DNAJC10: variants seen among roughly 807,000 people sequenced by gnomAD.
DNAJC10 encodes the protein endoplasmic reticulum disulfide reductase DNAJC10.
A neutral mutation model predicts 115.0 loss-of-function variants in DNAJC10; 101 were observed. That is an observed-to-expected ratio of 0.88 (90% CI 0.75 to 1.04). The LOEUF (loss-of-function observed/expected upper bound fraction) is 1.04, where lower values mean the gene tolerates loss of function less well. DNAJC10 is among the 50% of genes least tolerant of loss of function. DNAJC10 has a pLI of 0.00. For synonymous variants in DNAJC10, 307 were observed against 301.5 expected (o/e 1.02, Z -0.19); for missense variants, 981 against 928.8 (o/e 1.06, Z -0.73).
chr2:182,729,843 A>G lies in DNAJC10; in HGVS notation c.634-5A>G, dbSNP rs768769076. 29 of 1,571,322 alleles carry G rather than the reference A, an allele frequency of 1.8e-5. No homozygotes were observed. The Admixed American group carries it at 3.4e-4, about 18-fold the overall frequency. On this transcript the variant is annotated splice_polypyrimidine_tract_variant and splice_region_variant and intron_variant, in intron 7 of 23. Coordinates refer to ENST00000264065, the MANE Select transcript of DNAJC10 (RefSeq NM_018981.4). ...AGATGTTTCTCTTCTTACAAAAACCAATAGGCCCCAGTGAAATATCATGGA... is the reference window on the plus strand; with the variant it reads ...AGATGTTTCTCTTCTTACAAAAACCGATAGGCCCCAGTGAAATATCATGGA...
chr2:182,732,981 TC>T (rs1304762920), intron 10 of DNAJC10, among the ~76,000 whole-genome samples: 1 of 152,028 alleles, frequency 6.6e-6, no homozygotes, highest in Non-Finnish European at 1.5e-5. Flanking sequence ...ACACAAATTG[TC>T]AGTTTTGAAA....
In DNAJC10 at chr2:182,733,966, TCTTA is replaced by T. The variant is rs532791396; in HGVS notation, c.849+1428_849+1431del. ...CTGTAGTATCTATAGTGATGTTCTT[TCTTA>T]CTTTCTGATCATATTTTGTGTGTGT... On this transcript the variant is annotated intron_variant, in intron 10 of 23. Coordinates refer to ENST00000264065, the MANE Select transcript of DNAJC10 (RefSeq NM_018981.4). Among the ~76,000 whole-genome samples the T allele has an allele frequency of 3.3e-3, 503 of 151,610 alleles. 1 individual carries two copies. Among genetic ancestry groups the T allele is most frequent in the African/African-American group, 0.011 (465 of 41,524 alleles).
At chr2:182,758,937 A>C (rs1285794560) in intron 20 of DNAJC10, 47 bp downstream of exon 20, 2 of 1,379,454 alleles carry the variant, frequency 1.4e-6, no homozygotes, top group Non-Finnish European at 1.0e-6. Flanking sequence ...ATTCAAAGCC[A>C]TTTACCCCCC....
At chr2:182,773,499 C>G (rs903250843) in intron 22 of DNAJC10, among the ~76,000 whole-genome samples, 12 of 152,144 alleles carry the variant, frequency 7.9e-5, no homozygotes, top group Non-Finnish European at 1.5e-4. Flanking sequence ...CACAGAGTCC[C>G]ATATTTCTTG....
At chr2:182,769,411 A>T (rs914044807) in intron 22 of DNAJC10, among the ~76,000 whole-genome samples, 1 of 152,192 alleles carries the variant, frequency 6.6e-6, no homozygotes, top group African/African-American at 2.4e-5. Context: ...ACTGTCTTAC[A>T]CAATGGTTGA....
chr2:182,768,301 G>A (rs1240132528), intron 22 of DNAJC10, among the ~76,000 whole-genome samples: 1 of 152,118 alleles, frequency 6.6e-6, no homozygotes, highest in Non-Finnish European at 1.5e-5. Flanking sequence ...TGAGAGATGG[G>A]TGACATAAAT....
At chr2:182,748,920 A>G (rs1429905195) in intron 14 of DNAJC10, among the ~76,000 whole-genome samples, 1 of 151,788 alleles carries the variant, frequency 6.6e-6, no homozygotes, top group Admixed American at 6.6e-5. Flanking sequence ...TGTACCCAGT[A>G]GTCATTCAGG....
rs753178102 is a variant in DNAJC10 at position 182,756,309 on chromosome 2, T to C, written c.1654-5T>C. 8.7e-6 allele frequency: 14 copies of C among 1,609,490 alleles called. No homozygotes were observed. The highest frequency in any genetic ancestry group is 1.2e-5 in the Non-Finnish European group (14 of 1,177,872). On this transcript the variant is annotated splice_polypyrimidine_tract_variant and splice_region_variant and intron_variant, in intron 17 of 23. Transcript: ENST00000264065. ...ATGTTATAATGGAAGCTATATTCTC[T>C]TCAGGATCTTATGAATCCTTCAGTG...
chr2:182,760,679 C>A (rs559549996), intron 21 of DNAJC10, among the ~76,000 whole-genome samples: 1 of 152,072 alleles, frequency 6.6e-6, no homozygotes, highest in African/African-American at 2.4e-5. Context: ...CTCCATAACT[C>A]GAGGAACTCT....
intron 9 of DNAJC10, among the ~76,000 whole-genome samples, chr2:182,732,211 A>G (rs1302415612): frequency 6.6e-6 from 1 of 152,014 alleles, no homozygotes; most frequent in Non-Finnish European, 1.5e-5. Context: ...AGGAGGAGAG[A>G]TTGAGAGTAT....
rs1323084335 is a variant in DNAJC10 at position 182,780,715 on chromosome 2, G to A, written c.*3583G>A. The A allele has an allele frequency of 6.6e-6, 1 of 152,108 alleles. No individual in the cohort carries two copies. Among genetic ancestry groups the A allele is most frequent in the South Asian group, 2.1e-4 (1 of 4,822 alleles). The allele number at this position is 152,108 out of a possible 1,614,324, so 9.4% of individuals were successfully genotyped here. A position where few individuals can be genotyped will look rare whatever the true frequency, so the allele number is the denominator to read the frequency against. On this transcript the variant is annotated 3_prime_UTR_variant, in exon 24 of 24. Transcript: ENST00000264065. ...ACACTGAATTTACACTTAGATTCTT[G>A]TACTGTCACTGAGTCCCCTTGTAAA...
In DNAJC10 at chr2:182,762,745, A is replaced by G. The variant is rs770972821; in HGVS notation, c.2209A>G (p.Lys737Glu). 6.2e-7 allele frequency: 1 copy of G among 1,612,804 alleles called. No individual in the cohort carries two copies. Among genetic ancestry groups the G allele is most frequent in the Non-Finnish European group, 8.5e-7 (1 of 1,179,038 alleles). Residue 737 changes from lysine to glutamate, a missense_variant, in exon 22 of 24, where the codon AAA becomes GAA. By Grantham distance (56) the Lys-to-Glu change is moderately conservative. Coordinates refer to ENST00000264065, the MANE Select transcript of DNAJC10 (RefSeq NM_018981.4). The stretch of plus-strand genomic sequence containing the variant: ...TCAGGCTTATGCTCAGACATGCCAG[A>G]AAGCTGGGATCAGGGCCTATCCAAC... ...DCQAYAQTCQ[K>E]AGIRAYPTVK...
chr2:182,739,793 A>G (rs941969316), intron 11 of DNAJC10: 14 of 994,590 alleles, frequency 1.4e-5, no homozygotes, highest in African/African-American at 1.4e-4. Context: ...GTCCATTCCA[A>G]TTTTCCACTT....
intron 5 of DNAJC10, among the ~76,000 whole-genome samples, chr2:182,728,243 A>C (rs1031677931): frequency 1.3e-5 from 2 of 152,036 alleles, no homozygotes; most frequent in Non-Finnish European, 2.9e-5. Flanking sequence ...TTTGGCTGCT[A>C]TTTCTTGTGC....
At chr2:182,732,324 T>TG (rs1693469740) in intron 9 of DNAJC10, among the ~76,000 whole-genome samples, 175 bp from the exon 10 acceptor site, 1 of 109,318 alleles carries the variant, frequency 9.1e-6, no homozygotes, top group African/African-American at 9.0e-5. Flanking sequence ...GTGTGTGTTT[T>TG]TGTGTGTGTG....
intron 14 of DNAJC10, among the ~76,000 whole-genome samples, chr2:182,745,514 A>T (rs1052443115): frequency 6.6e-6 from 1 of 152,210 alleles, no homozygotes; most frequent in Non-Finnish European, 1.5e-5. Context: ...ATGTGCTCTT[A>T]CTAACTTTGT....
intron 22 of DNAJC10, among the ~76,000 whole-genome samples, chr2:182,765,946 T>C (rs1361360774): frequency 6.6e-6 from 1 of 152,204 alleles, no homozygotes; most frequent in African/African-American, 2.4e-5. Context: ...TAGTTTTTTT[T>C]CTGGTCTGGG....
In DNAJC10 at chr2:182,751,696, G is replaced by C; in HGVS notation, c.1345G>C (p.Glu449Gln). ...ATATGATATACTTGCCTTTGCCAAA[G>C]AAAGTGTGAATTCTCATGTTACCAC... ...ILYDILAFAK[E>Q]SVNSHVTTLG... Residue 449 changes from glutamate (E) to glutamine (Q), a missense_variant, in exon 15 of 24, where the codon GAA becomes CAA. Transcript: ENST00000264065. The C allele has an allele frequency of 6.2e-7, 1 of 1,613,976 alleles. No homozygotes were observed. The highest frequency in any genetic ancestry group is 1.1e-5 in the South Asian group (1 of 91,062).
chr2:182,732,814 G>T, intron 10 of DNAJC10: 2 of 442,688 alleles, frequency 4.5e-6, no homozygotes, highest in Non-Finnish European at 7.9e-6. Flanking sequence ...ACATGTTAGT[G>T]TTTTTGTCAT....
Sources: gnomAD v4.1 joint callset for allele counts (sites outside exome capture counted in the v4.1 genomes callset) on GRCh38, gnomAD v4.1.1 for gene constraint, MANE v1.5 for transcripts, NCBI Gene and HGNC (gene_info 2026-07-23, HGNC 2026-07-21) for gene names.